Variants in ST3GAL3 observed in about 807,000 individuals in gnomAD.
ST3GAL3 encodes the protein CMP-N-acetylneuraminate-beta-1,4-galactoside alpha-2,3-sialyltransferase.
In ST3GAL3, 21 loss-of-function variants were observed where a neutral mutation model predicts 50.1. The ratio of observed to expected loss-of-function variants is 0.42; its 90% CI spans 0.30 to 0.60. The LOEUF (loss-of-function observed/expected upper bound fraction) is 0.60, where lower values mean the gene tolerates loss of function less well. Among genes scored for constraint, ST3GAL3 ranks in the 20% least tolerant of loss-of-function variants. ST3GAL3 has a pLI of 0.19. For missense variants in ST3GAL3, 353 were observed against 489.4 expected, an observed-to-expected ratio of 0.72 and a Z score of 2.63; for synonymous variants, 183 against 190.0, an observed-to-expected ratio of 0.96 and a Z score of 0.30.
At chr1:43,863,267 A>G (rs150556427) in intron 5 of ST3GAL3, among the ~76,000 whole-genome samples, 116 of 152,310 alleles carry the variant, frequency 7.6e-4, no homozygotes, top group African/African-American at 2.6e-3. Flanking sequence ...ACCTGGCCAC[A>G]GCACACACCA....
At chr1:43,742,391 T>C (rs1681337358) in intron 2 of ST3GAL3, among the ~76,000 whole-genome samples, 1 of 151,478 alleles carries the variant, frequency 6.6e-6, no homozygotes, top group African/African-American at 2.4e-5. Flanking sequence ...AAAAATGCCA[T>C]GGGCTTTCCT....
chr1:43,893,906 C>T (rs191345201), intron 5 of ST3GAL3, among the ~76,000 whole-genome samples: 14 of 152,314 alleles, frequency 9.2e-5, no homozygotes, highest in East Asian at 3.9e-4. Context: ...ACCATGAATT[C>T]TCCTTCTTCC....
At chr1:43,717,107 A>T (rs1367876898) in intron 1 of ST3GAL3, among the ~76,000 whole-genome samples, 2 of 152,190 alleles carry the variant, frequency 1.3e-5, no homozygotes, top group Non-Finnish European at 2.9e-5. Context: ...AGTTTAATTC[A>T]GGCAACGCCT....
chr1:43,747,322 G>A (rs1217812240), intron 2 of ST3GAL3, among the ~76,000 whole-genome samples: 1 of 151,884 alleles, frequency 6.6e-6, no homozygotes, highest in Non-Finnish European at 1.5e-5. Flanking sequence ...TGAGGCAAGA[G>A]CATCGCTTGA....
intron 2 of ST3GAL3, among the ~76,000 whole-genome samples, chr1:43,789,026 T>C (rs954359157): frequency 6.6e-6 from 1 of 151,788 alleles, no homozygotes; most frequent in South Asian, 2.1e-4. Context: ...TTGGGAAATA[T>C]AAGTAATTTT....
chr1:43,744,582 CAGTG>C (rs1268199671), intron 2 of ST3GAL3, among the ~76,000 whole-genome samples: 4 of 150,834 alleles, frequency 2.7e-5, no homozygotes, highest in Admixed American at 6.6e-5. Context: ...AAAAAATAAA[CAGTG>C]AGCTTGCAGT....
At chr1:43,815,394 A>G (rs189226287) in intron 4 of ST3GAL3, among the ~76,000 whole-genome samples, 2 of 152,156 alleles carry the variant, frequency 1.3e-5, no homozygotes, top group East Asian at 1.9e-4. Flanking sequence ...CTACCTTTGC[A>G]TGTGCTTGTT....
intron 4 of ST3GAL3, among the ~76,000 whole-genome samples, chr1:43,828,690 A>G (rs980195652): frequency 6.6e-6 from 1 of 152,234 alleles, no homozygotes; most frequent in African/African-American, 2.4e-5. Context: ...AATGCAAATT[A>G]AAACAACAGT....
chr1:43,708,887 T>G (rs952856365), intron 1 of ST3GAL3, among the ~76,000 whole-genome samples: 3 of 152,210 alleles, frequency 2.0e-5, no homozygotes, highest in African/African-American at 7.2e-5. Context: ...ATGCAAGGCA[T>G]TGACTGAGGG....
In ST3GAL3 at chr1:43,899,417, G is replaced by A; in HGVS notation, c.558-124G>A. On this transcript the variant is annotated intron_variant, in intron 8 of 11. Transcript: ENST00000347631. The surrounding 1 kb of genome is among the most constrained non-coding windows in gnomAD (Gnocchi z 5.4). ...AGGGCTTTGGAACAGACAACTAGCG[G>A]GGGCACCTGGGGAGAATAGGTCCAG... 2.5e-6 allele frequency: 4 copies of A among 1,571,286 alleles called. No homozygotes were observed. The highest frequency in any genetic ancestry group is 3.5e-6 in the Non-Finnish European group (4 of 1,156,320).
At chr1:43,861,250 C>T (rs985102068) in intron 5 of ST3GAL3, among the ~76,000 whole-genome samples, 2 of 152,184 alleles carry the variant, frequency 1.3e-5, no homozygotes, top group South Asian at 2.1e-4. Flanking sequence ...CTGCAAAATG[C>T]GAATAACAGC....
intron 6 of ST3GAL3, 107 bp from the exon 7 acceptor site, chr1:43,898,128 T>G (rs886392819): frequency 8.9e-6 from 11 of 1,235,764 alleles, no homozygotes; most frequent in Non-Finnish European, 1.3e-5. Context: ...CCACTTCCAC[T>G]TTCACTCTAG....
At chr1:43,904,329 G>T (rs1474250029) in intron 9 of ST3GAL3, among the ~76,000 whole-genome samples, 1 of 152,090 alleles carries the variant, frequency 6.6e-6, no homozygotes, top group Non-Finnish European at 1.5e-5. Context: ...GAGCCTTAGC[G>T]TGGACTCTGT....
At chr1:43,919,069 CTTTTTTTTTTTT>C (rs1170641209) in intron 9 of ST3GAL3, 1 of 60,318 alleles carries the variant, frequency 1.7e-5, no homozygotes, top group East Asian at 5.7e-4. Flanking sequence ...TTCTTTGTTT[CTTTTTTTTTTTT>C]TTTTTTTTTT....
At chr1:43,920,582 G>A (rs1305624368) in intron 10 of ST3GAL3, 32 bp downstream of exon 10, 62 of 1,612,342 alleles carry the variant, frequency 3.8e-5, no homozygotes, top group Non-Finnish European at 4.6e-5. Flanking sequence ...AGAGGGAGGA[G>A]GAAAGCTGGG....
chr1:43,813,363 C>T (rs1490441831), intron 3 of ST3GAL3, among the ~76,000 whole-genome samples: 3 of 152,198 alleles, frequency 2.0e-5, no homozygotes, highest in African/African-American at 7.2e-5. Flanking sequence ...TAACTCTTTG[C>T]AAATTGTATT....
At chr1:43,877,051 C>A (rs919147081) in intron 5 of ST3GAL3, among the ~76,000 whole-genome samples, 7 of 152,198 alleles carry the variant, frequency 4.6e-5, no homozygotes, top group African/African-American at 1.2e-4. Context: ...CTATGCATCT[C>A]GACAATAGTC....
chr1:43,912,780 CAA>C (rs1286958192), intron 9 of ST3GAL3: 2 of 152,234 alleles, frequency 1.3e-5, no homozygotes, highest in Admixed American at 1.3e-4. Flanking sequence ...GATGTTCTGA[CAA>C]GAGCAGAACA....
intron 5 of ST3GAL3, among the ~76,000 whole-genome samples, chr1:43,893,743 T>G (rs940000730): frequency 1.3e-5 from 2 of 152,064 alleles, no homozygotes; most frequent in African/African-American, 4.8e-5. Flanking sequence ...GAACTTAGCC[T>G]CCTCTCTTTC....
Sources: gnomAD v4.1 joint callset for allele counts (sites outside exome capture counted in the v4.1 genomes callset) on GRCh38, gnomAD v4.1.1 for gene constraint, Gnocchi (gnomAD v3.1) non-coding constraint, MANE v1.5 for transcripts, NCBI Gene and HGNC (gene_info 2026-07-23, HGNC 2026-07-21) for gene names.